ADAMTS19: variants seen among roughly 807,000 people sequenced by gnomAD.
The protein encoded by ADAMTS19 is A disintegrin and metalloproteinase with thrombospondin motifs 19.
ADAMTS19 carries 93 observed loss-of-function variants against 153.3 expected under a neutral mutation model. The observed-to-expected ratio is 0.61, with a 90% CI of 0.51 to 0.72. The LOEUF is 0.72. ADAMTS19 is among the 30% of genes least tolerant of loss of function. ADAMTS19 has a pLI of 0.00. For synonymous variants in ADAMTS19, 600 were observed against 556.6 expected (o/e 1.08, Z -1.10); for missense variants, 1,482 against 1,552.1 (o/e 0.95, Z 0.76).
intron 7 of ADAMTS19, among the ~76,000 whole-genome samples, chr5:129,572,335 C>T (rs113682893): frequency 0.061 from 9,255 of 151,976 alleles, 416 homozygotes; most frequent in Non-Finnish European, 0.088. Flanking sequence ...TGGAAAACTT[C>T]ACAACCGCTT....
chr5:129,587,672 T>C (rs1749886033), intron 7 of ADAMTS19, among the ~76,000 whole-genome samples: 1 of 152,196 alleles, frequency 6.6e-6, no homozygotes, highest in Non-Finnish European at 1.5e-5. Flanking sequence ...AATTTTAGAA[T>C]ATGGCAATTT....
At chr5:129,663,353 T>C (rs1414580269) in intron 15 of ADAMTS19, among the ~76,000 whole-genome samples, 1 of 152,204 alleles carries the variant, frequency 6.6e-6, no homozygotes, top group Non-Finnish European at 1.5e-5. Context: ...GCTACGTCAA[T>C]AGCATGACTT....
chr5:129,701,185 C>T (rs574449448), intron 19 of ADAMTS19, among the ~76,000 whole-genome samples: 3 of 150,798 alleles, frequency 2.0e-5, no homozygotes, highest in South Asian at 4.2e-4. Context: ...TCCTGCCATA[C>T]GAGATGTGTC....
intron 18 of ADAMTS19, among the ~76,000 whole-genome samples, chr5:129,687,935 A>G (rs981698969): frequency 6.6e-5 from 10 of 152,176 alleles, no homozygotes; most frequent in Non-Finnish European, 1.2e-4. Flanking sequence ...TTCTAATAAT[A>G]CACAACTCCT....
chr5:129,545,161 T>C (rs1051040189), intron 6 of ADAMTS19, among the ~76,000 whole-genome samples: 1 of 151,768 alleles, frequency 6.6e-6, no homozygotes, highest in Non-Finnish European at 1.5e-5. Context: ...TTAAAAAAAA[T>C]AAAAAATTTC....
intron 21 of ADAMTS19, among the ~76,000 whole-genome samples, chr5:129,721,025 C>T: frequency 6.6e-6 from 1 of 152,176 alleles, no homozygotes; most frequent in East Asian, 1.9e-4. Context: ...AACCCATTGA[C>T]ATCATGGTTG....
intron 2 of ADAMTS19, among the ~76,000 whole-genome samples, chr5:129,473,087 A>G (rs1024155634): frequency 6.6e-6 from 1 of 151,810 alleles, no homozygotes; most frequent in African/African-American, 2.4e-5. Flanking sequence ...ACTCTCTCAA[A>G]TGACAAAAAA....
chr5:129,624,129 A>G (rs1034585395), intron 10 of ADAMTS19, among the ~76,000 whole-genome samples: 14 of 127,090 alleles, frequency 1.1e-4, no homozygotes, highest in African/African-American at 3.9e-4. Context: ...TCAGTCTCAA[A>G]AAAAAAAAAA....
intron 16 of ADAMTS19, among the ~76,000 whole-genome samples, chr5:129,672,707 C>A (rs1754359828): frequency 6.6e-6 from 1 of 152,014 alleles, no homozygotes; most frequent in South Asian, 2.1e-4. Flanking sequence ...GCAAATCAAA[C>A]CCTCATATGG....
chr5:129,719,710 CA>C lies in ADAMTS19; in HGVS notation c.3313-15219del, dbSNP rs202131192. Among the ~76,000 whole-genome samples, 58 of 152,234 alleles carry C rather than the reference CA, an allele frequency of 3.8e-4. No individual in the cohort carries two copies. In the East Asian group the frequency reaches 9.9e-3, roughly 26 times the overall value. On this transcript the variant is annotated intron_variant, in intron 21 of 22. Coordinates refer to ENST00000274487, the MANE Select transcript of ADAMTS19 (RefSeq NM_133638.6). The stretch of plus-strand genomic sequence containing the variant: ...AAACGATATGATTAAAGTAAAATAT[CA>C]AACTGCCAGTTGAAGAAATATTTCA...
In ADAMTS19 at chr5:129,461,397, G is replaced by T. The variant is rs1181896559; in HGVS notation, c.387G>T (p.Pro129=). 5.2e-6 allele frequency: 7 copies of T among 1,353,282 alleles called. No homozygotes were observed. Among genetic ancestry groups the T allele is most frequent in the Non-Finnish European group, 5.6e-6 (6 of 1,064,318 alleles). 83.8% of individuals were successfully genotyped at this position (1,353,282 alleles called of 1,614,324 possible). A position where few individuals can be genotyped will look rare whatever the true frequency, so the allele number is the denominator to read the frequency against. The change falls in exon 2 of 23, where the codon CCG becomes CCT. Residue 129 remains proline, a synonymous_variant. Coordinates refer to ENST00000274487, the MANE Select transcript of ADAMTS19 (RefSeq NM_133638.6). This position sits in a 1 kb window ranked among gnomAD's most constrained non-coding sequence, Gnocchi z 4.6. Reference sequence around the variant, plus strand: ...AGGAGCTCGAGTCGCAGGAGCTGCCGCGGGGATCCAGCGGGGCTGCCGCCT... The same window carrying T: ...AGGAGCTCGAGTCGCAGGAGCTGCCTCGGGGATCCAGCGGGGCTGCCGCCT... ...EDEELESQEL[P]RGSSGAAALS...
chr5:129,506,461 T>C (rs1001870698), intron 2 of ADAMTS19, among the ~76,000 whole-genome samples: 2 of 152,016 alleles, frequency 1.3e-5, no homozygotes, highest in South Asian at 2.1e-4. Flanking sequence ...ATAGTTTAAG[T>C]TTTAGGGTAC....
intron 2 of ADAMTS19, among the ~76,000 whole-genome samples, chr5:129,462,473 A>G (rs879465015): frequency 2.6e-5 from 4 of 152,230 alleles, no homozygotes; most frequent in Admixed American, 1.3e-4. Flanking sequence ...CAAGGTGGAG[A>G]GCCTTGTTAA....
At chr5:129,542,636 A>G (rs1458923093) in intron 6 of ADAMTS19, among the ~76,000 whole-genome samples, 3 of 152,142 alleles carry the variant, frequency 2.0e-5, no homozygotes, top group Non-Finnish European at 4.4e-5. Flanking sequence ...TAGGACAGCT[A>G]TAGTGATTGT....
intron 17 of ADAMTS19, among the ~76,000 whole-genome samples, chr5:129,682,084 T>C (rs549498656): frequency 1.4e-4 from 21 of 152,264 alleles, no homozygotes; most frequent in African/African-American, 5.1e-4. Flanking sequence ...ATGTGAGACC[T>C]TAGTGTTGGG....
At chr5:129,517,403 G>T (rs1751650585) in intron 3 of ADAMTS19, among the ~76,000 whole-genome samples, 1 of 151,848 alleles carries the variant, frequency 6.6e-6, no homozygotes, top group Non-Finnish European at 1.5e-5. Context: ...AGCTATTATT[G>T]TATTGTGGCC....
At position 129,547,301 on chromosome 5, in the gene ADAMTS19, T is replaced by G. The variant is rs572215610; in HGVS notation, c.1329-4563T>G. Reference sequence around the variant, plus strand: ...AAGCTAGTGAAGGCAAGGAAACATATTCTCATCTAGAGCTTTCAGAGGGAA... The same window carrying G: ...AAGCTAGTGAAGGCAAGGAAACATAGTCTCATCTAGAGCTTTCAGAGGGAA... On this transcript the variant is annotated intron_variant, in intron 6 of 22. Transcript: ENST00000274487. Among the ~76,000 whole-genome samples the G allele has an allele frequency of 5.3e-5, 8 of 150,718 alleles. No homozygotes were observed. In the South Asian group the frequency reaches 1.7e-3, roughly 31 times the overall value.
rs1224348767 is a variant in ADAMTS19, at chr5:129,461,914, CATGGA to C, written c.747+159_747+163del. 6.6e-6 allele frequency among the ~76,000 whole-genome samples: 1 copy of C among 152,208 alleles called. No homozygotes were observed. The highest frequency in any genetic ancestry group is 1.5e-5 in the Non-Finnish European group (1 of 68,028). On this transcript the variant is annotated intron_variant, in intron 2 of 22. Coordinates refer to ENST00000274487, the MANE Select transcript of ADAMTS19 (RefSeq NM_133638.6). The surrounding 1 kb of genome is among the most constrained non-coding windows in gnomAD (Gnocchi z 4.6). ...CCAGGTGTCTACATCGTTTGCCTCC[CATGGA>C]ACATCTCCAGGGCAGTTGTGTAAAT...
At chr5:129,629,043 C>T (rs1752177208) in intron 10 of ADAMTS19, among the ~76,000 whole-genome samples, 1 of 151,722 alleles carries the variant, frequency 6.6e-6, no homozygotes, top group Non-Finnish European at 1.5e-5. Flanking sequence ...GTCACCCTAC[C>T]TGGCAGTCTG....
Sources: allele counts gnomAD v4.1 joint callset (sites outside exome capture counted in the v4.1 genomes callset), GRCh38; gene constraint gnomAD v4.1.1; non-coding constraint Gnocchi (gnomAD v3.1); transcripts MANE v1.5; gene names NCBI Gene and HGNC (gene_info 2026-07-23, HGNC 2026-07-21).